The following TMEM117 variants were observed in gnomAD, a reference collection of about 807,000 sequenced individuals.
TMEM117 encodes the protein transmembrane protein 117.
TMEM117 carries 27 observed loss-of-function variants against 52.4 expected under a neutral mutation model. That is an observed-to-expected ratio of 0.51 (90% CI 0.38 to 0.71). TMEM117 has a LOEUF of 0.71. TMEM117 is among the 30% of genes least tolerant of loss of function. The pLI is 0.00. For synonymous variants in TMEM117, 215 were observed against 206.3 expected (o/e 1.04, Z -0.36); for missense variants, 556 against 630.5 (o/e 0.88, Z 1.26).
intron 5 of TMEM117, among the ~76,000 whole-genome samples, chr12:44,292,320 A>C (rs1309983740): frequency 6.6e-6 from 1 of 151,598 alleles, no homozygotes; most frequent in Non-Finnish European, 1.5e-5. Flanking sequence ...CCTTTTATTT[A>C]TAATTTTATT....
intron 3 of TMEM117, among the ~76,000 whole-genome samples, chr12:44,137,996 A>G (rs1358019121): frequency 1.3e-5 from 2 of 152,130 alleles, no homozygotes; most frequent in African/African-American, 2.4e-5. Flanking sequence ...CATACTTTAT[A>G]TCATGTGTTC....
At chr12:44,231,050 A>G (rs1009761763) in intron 5 of TMEM117, among the ~76,000 whole-genome samples, 7 of 152,022 alleles carry the variant, frequency 4.6e-5, no homozygotes, top group African/African-American at 1.7e-4. Flanking sequence ...GCCAAGAAAT[A>G]AAATGTCATC....
intron 5 of TMEM117, among the ~76,000 whole-genome samples, chr12:44,261,601 A>T (rs1950321621): frequency 6.6e-6 from 1 of 152,236 alleles, no homozygotes; most frequent in African/African-American, 2.4e-5. Flanking sequence ...TATTAAAAAA[A>T]TAAAGCTTAA....
chr12:44,043,599 A>G (rs979015383), intron 3 of TMEM117, among the ~76,000 whole-genome samples: 35 of 152,142 alleles, frequency 2.3e-4, no homozygotes, highest in African/African-American at 8.4e-4. Flanking sequence ...TGCCTGAGAC[A>G]ACAGTGATGG....
At chr12:43,986,998 C>A (rs996438412) in intron 3 of TMEM117, among the ~76,000 whole-genome samples, 3 of 152,150 alleles carry the variant, frequency 2.0e-5, no homozygotes, top group Admixed American at 1.3e-4. Context: ...ATGTCCCCAT[C>A]TCCCAAATTC....
chr12:44,116,024 A>G (rs541428079), intron 3 of TMEM117, among the ~76,000 whole-genome samples: 1 of 152,272 alleles, frequency 6.6e-6, no homozygotes, highest in African/African-American at 2.4e-5. Flanking sequence ...TCCTTTCTTT[A>G]TATGACCCAA....
At chr12:43,867,244 A>T (rs1252043914) in intron 2 of TMEM117, among the ~76,000 whole-genome samples, 2 of 152,244 alleles carry the variant, frequency 1.3e-5, no homozygotes, top group African/African-American at 4.8e-5. Flanking sequence ...CTTGTATTTT[A>T]TATGAAGTGG....
chr12:43,966,101 C>T (rs889840923), intron 3 of TMEM117, among the ~76,000 whole-genome samples: 7 of 152,120 alleles, frequency 4.6e-5, no homozygotes, highest in African/African-American at 1.4e-4. Context: ...TTTATGGCTG[C>T]GTAGTATTCC....
At position 43,943,449 on chromosome 12, in the gene TMEM117, A is replaced by G. The variant is rs76302415; in HGVS notation, c.278-761A>G. Among the ~76,000 whole-genome samples, 996 of 152,124 alleles carry G rather than the reference A, an allele frequency of 6.5e-3. 61 individuals carry two copies. The East Asian group carries it at 0.16, about 24-fold the overall frequency. ...AAAACATTTCTCTGATCGAATTCTGATATTAGTAATTTTTACTTTAGTGTT... is the reference window on the plus strand; with the variant it reads ...AAAACATTTCTCTGATCGAATTCTGGTATTAGTAATTTTTACTTTAGTGTT... On this transcript the variant is annotated intron_variant, in intron 2 of 7. Coordinates refer to ENST00000266534, the MANE Select transcript of TMEM117 (RefSeq NM_032256.3).
the TMEM117 span, chr12:43,806,301 G>A: frequency 1.4e-6 from 2 of 1,447,808 alleles, no homozygotes; most frequent in Admixed American, 2.5e-5. Context: ...GGCCCCGGCC[G>A]GCGGCCCCAG....
At chr12:44,299,128 A>ATTTTTT (rs375671360) in intron 5 of TMEM117, among the ~76,000 whole-genome samples, 7 of 125,416 alleles carry the variant, frequency 5.6e-5, no homozygotes, top group Non-Finnish European at 8.0e-5. Context: ...AAGGCATTTA[A>ATTTTTT]TTTTTTTTTT....
At chr12:44,035,347 CTTTA>C (rs1217926389) in intron 3 of TMEM117, among the ~76,000 whole-genome samples, 4 of 152,154 alleles carry the variant, frequency 2.6e-5, no homozygotes, top group Non-Finnish European at 4.4e-5. Flanking sequence ...GTGATTATAT[CTTTA>C]TTCATTCATT....
At chr12:44,024,599 G>A (rs74389423) in intron 3 of TMEM117, among the ~76,000 whole-genome samples, 5,126 of 151,216 alleles carry the variant, frequency 0.034, 178 homozygotes, top group African/African-American at 0.086. Flanking sequence ...AGCAAGGAAG[G>A]TGGGGTGGGA....
chr12:44,265,535 T>C lies in TMEM117; in HGVS notation c.609-34045T>C, dbSNP rs1160618158. On this transcript the variant is annotated intron_variant, in intron 5 of 7. Coordinates refer to ENST00000266534, the MANE Select transcript of TMEM117 (RefSeq NM_032256.3). ...AGAGCTTTGACTAGAAGGTGAATAG[T>C]GAAGATGGAGACAAGTGAACCCGTT... 7.2e-5 allele frequency among the ~76,000 whole-genome samples: 11 copies of C among 152,314 alleles called. No homozygotes were observed. The East Asian group carries it at 1.9e-3, about 27-fold the overall frequency.
At position 44,257,432 on chromosome 12, in the gene TMEM117, C is replaced by A. The variant is rs117925181; in HGVS notation, c.609-42148C>A. ...CCAGATCTTGACACAATGTCTAGTC[C>A]TTTTAGCCATCTCCAGTAGAGGAAG... On this transcript the variant is annotated intron_variant, in intron 5 of 7. Coordinates refer to ENST00000266534, the MANE Select transcript of TMEM117 (RefSeq NM_032256.3). 1.9e-3 allele frequency among the ~76,000 whole-genome samples: 292 copies of A among 152,142 alleles called. 7 individuals carry two copies. In the East Asian group the frequency reaches 0.035, roughly 18 times the overall value.
chr12:43,927,599 CATT>C (rs1944800674), intron 2 of TMEM117, among the ~76,000 whole-genome samples: 1 of 151,704 alleles, frequency 6.6e-6, no homozygotes, highest in South Asian at 2.1e-4. Flanking sequence ...TAATCTATCT[CATT>C]GATCAATTTT....
chr12:44,117,791 T>C (rs539080182), intron 3 of TMEM117, among the ~76,000 whole-genome samples: 1 of 152,268 alleles, frequency 6.6e-6, no homozygotes, highest in South Asian at 2.1e-4. Context: ...ATGATATATG[T>C]CGGAATGATA....
rs556638449 is a variant in TMEM117, at chr12:43,906,205, G to A, written c.278-38005G>A. Among the ~76,000 whole-genome samples the A allele has an allele frequency of 1.3e-4, 20 of 152,310 alleles. 1 individual carries two copies. In the South Asian group the frequency reaches 4.1e-3, roughly 32 times the overall value. On this transcript the variant is annotated intron_variant, in intron 2 of 7. Transcript: ENST00000266534. ...ATACCTAGTGCTATGGCTCATGCCT[G>A]AAATTCCAGCACTTTGGGAGGCTGA...
chr12:44,107,309 A>G (rs1045441457), intron 3 of TMEM117, among the ~76,000 whole-genome samples: 6 of 152,124 alleles, frequency 3.9e-5, no homozygotes, highest in Non-Finnish European at 7.4e-5. Flanking sequence ...AAATAACTCC[A>G]TGTATATTTG....
Sources: allele counts gnomAD v4.1 joint callset (sites outside exome capture counted in the v4.1 genomes callset), GRCh38; gene constraint gnomAD v4.1.1; transcripts MANE v1.5; gene names NCBI Gene and HGNC (gene_info 2026-07-23, HGNC 2026-07-21).